The following PIAS2 variants were observed in gnomAD, a reference collection of about 807,000 sequenced individuals.
PIAS2 encodes protein inhibitor of activated STAT 2.
In PIAS2, 19 loss-of-function variants were observed where a neutral mutation model predicts 69.7. The ratio of observed to expected loss-of-function variants is 0.27; its 90% CI spans 0.19 to 0.40. The LOEUF is 0.40. Ranked by LOEUF, PIAS2 falls within the 10% of genes least tolerant of loss-of-function variation. The probability of loss-of-function intolerance (pLI) is 1.00; values close to 1 mark genes in which losing one functional copy is unlikely to be tolerated. For synonymous variants in PIAS2, 261 were observed against 263.2 expected, an observed-to-expected ratio of 0.99 and a Z score of 0.08; for missense variants, 624 against 757.0, an observed-to-expected ratio of 0.82 and a Z score of 2.06.
chr18:46,815,888 A>T, intron 12 of PIAS2: 1 of 985,552 alleles, frequency 1.0e-6, no homozygotes, highest in Non-Finnish European at 1.2e-6. Flanking sequence ...TGCTGCGCTA[A>T]CAGGGTTATC....
intron 12 of PIAS2, among the ~76,000 whole-genome samples, chr18:46,820,429 G>A (rs2042042978): frequency 6.6e-6 from 1 of 152,024 alleles, no homozygotes; most frequent in Non-Finnish European, 1.5e-5. Flanking sequence ...ATCCCCCGTG[G>A]ATAAGGGGAA....
rs1453356977 is a variant in PIAS2 at position 46,807,381 on chromosome 18, A to ATT, written c.*5051_*5052insAA. ...TATATATATATATATATATATATATATATTTTTTTTTTTTTTTTTTTTTTT... is the reference window on the plus strand; with the variant it reads ...TATATATATATATATATATATATATATTTATTTTTTTTTTTTTTTTTTTTTTT... On this transcript the variant is annotated 3_prime_UTR_variant, in exon 14 of 14. Transcript: ENST00000585916. The ATT allele has an allele frequency of 4.0e-3, 79 of 19,834 alleles. 1 individual carries two copies. Among genetic ancestry groups the ATT allele is most frequent in the East Asian group, 4.7e-3 (4 of 854 alleles). The allele number at this position is 19,834 out of a possible 1,614,324, so 1.2% of individuals were successfully genotyped here. A position where few individuals can be genotyped will look rare whatever the true frequency, so the allele number is the denominator to read the frequency against.
intron 2 of PIAS2, among the ~76,000 whole-genome samples, chr18:46,880,895 G>A (rs2052126057): frequency 6.6e-6 from 1 of 152,112 alleles, no homozygotes; most frequent in African/African-American, 2.4e-5. Flanking sequence ...TACAAATACA[G>A]TTTTCACTGA....
At position 46,803,229 on chromosome 18, in the gene PIAS2, T is replaced by C. The variant is rs182358805; in HGVS notation, c.*9204A>G. On this transcript the variant is annotated 3_prime_UTR_variant, in exon 14 of 14. Transcript: ENST00000585916. The stretch of plus-strand genomic sequence containing the variant: ...ATGAAAGCAATGGGTCATAGTTTAA[T>C]TAGCAGGTTTAATTTTTCTTTAATG... The C allele has an allele frequency of 1.8e-3, 271 of 152,230 alleles. 2 individuals carry two copies. Among genetic ancestry groups the C allele is most frequent in the African/African-American group, 6.4e-3 (267 of 41,564 alleles). 9.4% of individuals were successfully genotyped at this position (152,230 alleles called of 1,614,324 possible). A position where few individuals can be genotyped will look rare whatever the true frequency, so the allele number is the denominator to read the frequency against.
chr18:46,891,726 G>A lies in PIAS2; in HGVS notation c.25-672C>T, dbSNP rs927821626. 2.1e-5 allele frequency: 13 copies of A among 608,336 alleles called. No individual in the cohort carries two copies. In the African/African-American group the frequency reaches 2.6e-4, roughly 12 times the overall value. The allele number at this position is 608,336 out of a possible 1,614,324, so 37.7% of individuals were successfully genotyped here. ...GAGAAAAAGACCTTTGAAGAGCAAG[G>A]AAATGAGCAGTCATCAATCTTAAAG... On this transcript the variant is annotated intron_variant, in intron 1 of 13. Coordinates refer to ENST00000585916, the MANE Select transcript of PIAS2 (RefSeq NM_004671.5).
chr18:46,913,453 T>C (rs951203865), intron 1 of PIAS2, among the ~76,000 whole-genome samples: 1 of 151,856 alleles, frequency 6.6e-6, no homozygotes. Flanking sequence ...TCAGGCCAAA[T>C]GCACAACCAG....
At chr18:46,914,835 C>T (rs1198030473) in intron 1 of PIAS2, among the ~76,000 whole-genome samples, 1 of 152,062 alleles carries the variant, frequency 6.6e-6, no homozygotes, top group Non-Finnish European at 1.5e-5. Flanking sequence ...AAACTAATGC[C>T]CAAAATTTTT....
At chr18:46,870,571 G>A (rs368667893) in intron 2 of PIAS2, among the ~76,000 whole-genome samples, 57 of 133,032 alleles carry the variant, frequency 4.3e-4, no homozygotes, top group Middle Eastern at 8.9e-3. Flanking sequence ...AGCCATGATC[G>A]TGCCACTGCA....
chr18:46,855,172 A>AGCCATTTAT (rs1408342555), intron 5 of PIAS2, among the ~76,000 whole-genome samples, 173 bp downstream of exon 5: 4 of 151,954 alleles, frequency 2.6e-5, no homozygotes, highest in Admixed American at 6.6e-5. Flanking sequence ...ACCTGAAATA[A>AGCCATTTAT]GCCATTTATT....
At chr18:46,897,923 G>A (rs187470066) in intron 1 of PIAS2, among the ~76,000 whole-genome samples, 63 of 151,842 alleles carry the variant, frequency 4.1e-4, no homozygotes, top group Middle Eastern at 3.4e-3. Flanking sequence ...CCAAGCTGGA[G>A]TGTGGCAACA....
upstream of PIAS2, among the ~76,000 whole-genome samples, chr18:46,919,208 C>A (rs1245222534): frequency 6.6e-6 from 1 of 151,742 alleles, no homozygotes; most frequent in Non-Finnish European, 1.5e-5. Flanking sequence ...AAAATTAGGC[C>A]AGGAGCTGTG....
At chr18:46,891,768 CACT>C (rs1052228600) in intron 1 of PIAS2, 3 of 241,542 alleles carry the variant, frequency 1.2e-5, no homozygotes, top group African/African-American at 6.9e-5. Context: ...ATTTCCTCCA[CACT>C]ACTCTACTGG....
At chr18:46,871,112 T>C (rs944778416) in intron 2 of PIAS2, among the ~76,000 whole-genome samples, 3 of 152,184 alleles carry the variant, frequency 2.0e-5, no homozygotes, top group Non-Finnish European at 4.4e-5. Context: ...AAGTTACATT[T>C]TGTTATGAAC....
rs759454296 is a variant in PIAS2 at position 46,890,670 on chromosome 18, G to C, written c.409C>G (p.Pro137Ala). The C allele has an allele frequency of 4.3e-6, 7 of 1,614,166 alleles. No individual in the cohort carries two copies. Among genetic ancestry groups the C allele is most frequent in the East Asian group, 2.2e-5 (1 of 44,878 alleles). ...TCAGGATGGACAGGAGGAATTGGGG[G>C]AGATGGCTGCTGCATCTCAAATGTG... Reference protein sequence around the residue: ...KPTFEMQQPSPPIPPVHPDVQ... With the variant: ...KPTFEMQQPSAPIPPVHPDVQ... The change falls in exon 2 of 14, where the codon CCC becomes GCC. Residue 137 changes from proline to alanine, a missense_variant. Physicochemically the swap from Pro to Ala is conservative, Grantham distance 27 (BLOSUM62 -1). Transcript: ENST00000585916.
chr18:46,913,239 C>G lies in PIAS2; in HGVS notation c.24+4083G>C, dbSNP rs2057452504. Reference sequence around the variant, plus strand: ...GCATCCTAACAGCACTTGAAGTTATCAGGATGGTGACTCCTGGTAGGTGTA... The same window carrying G: ...GCATCCTAACAGCACTTGAAGTTATGAGGATGGTGACTCCTGGTAGGTGTA... On this transcript the variant is annotated intron_variant, in intron 1 of 13. Coordinates refer to ENST00000585916, the MANE Select transcript of PIAS2 (RefSeq NM_004671.5). Among the ~76,000 whole-genome samples, 5 of 152,158 alleles carry G rather than the reference C, an allele frequency of 3.3e-5. No individual in the cohort carries two copies. The South Asian group carries it at 1.0e-3, about 31-fold the overall frequency.
chr18:46,904,104 T>G (rs1410661123), intron 1 of PIAS2: 1 of 152,140 alleles, frequency 6.6e-6, no homozygotes. Flanking sequence ...AACAATACTT[T>G]GGAGAGAGGG....
intron 2 of PIAS2, among the ~76,000 whole-genome samples, chr18:46,872,249 C>T (rs996603680): frequency 6.6e-6 from 1 of 152,256 alleles, no homozygotes; most frequent in African/African-American, 2.4e-5. Context: ...AACCCTTACA[C>T]TATCCTCAGC....
Position 46,812,355 on chromosome 18 carries a change from AAAG to A in PIAS2, c.*75_*77del. ...TACCAAATTATTAAAAAAAAAAAAA[AAAG>A]AACGTTTCCACAGACTAGAGATCCA... On this transcript the variant is annotated 3_prime_UTR_variant, in exon 14 of 14. Coordinates refer to ENST00000585916, the MANE Select transcript of PIAS2 (RefSeq NM_004671.5). 1 of 835,028 alleles carries A rather than the reference AAAG, an allele frequency of 1.2e-6. No individual in the cohort carries two copies. The highest frequency in any genetic ancestry group is 1.8e-6 in the Non-Finnish European group (1 of 555,366). 51.7% of individuals were successfully genotyped at this position (835,028 alleles called of 1,614,324 possible).
At chr18:46,844,380 C>G (rs962175126) in intron 7 of PIAS2, among the ~76,000 whole-genome samples, 6 of 151,988 alleles carry the variant, frequency 3.9e-5, no homozygotes, top group Non-Finnish European at 8.8e-5. Context: ...GACTTAAGAA[C>G]AAAACAACAA....
Sources: allele counts gnomAD v4.1 joint callset (sites outside exome capture counted in the v4.1 genomes callset), GRCh38; gene constraint gnomAD v4.1.1; transcripts MANE v1.5; gene names NCBI Gene and HGNC (gene_info 2026-07-23, HGNC 2026-07-21).